HACD2: variants seen among roughly 807,000 people sequenced by gnomAD.
HACD2 encodes 3-hydroxyacyl-CoA dehydratase 2.
In HACD2, 15 loss-of-function variants were observed where a neutral mutation model predicts 31.0. The observed-to-expected ratio is 0.48, with a 90% confidence interval of 0.32 to 0.75. The LOEUF is 0.75. Ranked by LOEUF, HACD2 falls within the 30% of genes least tolerant of loss-of-function variation. The probability of loss-of-function intolerance (pLI) is 0.03; values close to 1 mark genes in which losing one functional copy is unlikely to be tolerated. For synonymous variants in HACD2, 115 were observed against 122.2 expected, an observed-to-expected ratio of 0.94 and a Z score of 0.39; for missense variants, 283 against 313.0, an observed-to-expected ratio of 0.90 and a Z score of 0.72.
intron 6 of HACD2, among the ~76,000 whole-genome samples, chr3:123,496,462 G>A (rs9879490): frequency 0.03 from 4,548 of 152,200 alleles, 75 homozygotes; most frequent in Middle Eastern, 0.088. Flanking sequence ...AAAGTACGCC[G>A]GGACACCAGT....
chr3:123,544,975 G>A (rs2056539383), intron 3 of HACD2, among the ~76,000 whole-genome samples: 3 of 144,224 alleles, frequency 2.1e-5, no homozygotes, highest in African/African-American at 7.7e-5. Flanking sequence ...TCGGGAGGCT[G>A]AGGTGGGAGG....
chr3:123,535,248 C>G (rs1402374085), intron 3 of HACD2, among the ~76,000 whole-genome samples: 1 of 152,160 alleles, frequency 6.6e-6, no homozygotes, highest in Non-Finnish European at 1.5e-5. Context: ...ACAAATACCA[C>G]TGTGCTACAC....
intron 3 of HACD2, among the ~76,000 whole-genome samples, chr3:123,544,467 T>C (rs369907270): frequency 6.6e-6 from 1 of 152,160 alleles, no homozygotes; most frequent in Non-Finnish European, 1.5e-5. Flanking sequence ...GATATTTCCA[T>C]TGTCATGCCC....
At chr3:123,550,311 G>C (rs1261322418) in intron 3 of HACD2, among the ~76,000 whole-genome samples, 1 of 152,164 alleles carries the variant, frequency 6.6e-6, no homozygotes, top group Non-Finnish European at 1.5e-5. Context: ...GGACTGAAGA[G>C]AATGTGAATA....
chr3:123,517,802 A>G (rs2056157358), intron 4 of HACD2, among the ~76,000 whole-genome samples: 1 of 152,232 alleles, frequency 6.6e-6, no homozygotes, highest in Admixed American at 6.5e-5. Flanking sequence ...AAGGTGGGGA[A>G]AAAAAGCTAT....
At chr3:123,564,030 C>T (rs1245749998) in intron 3 of HACD2, among the ~76,000 whole-genome samples, 1 of 152,212 alleles carries the variant, frequency 6.6e-6, no homozygotes, top group Non-Finnish European at 1.5e-5. Context: ...TTGACAAAAC[C>T]TGATGACTGC....
chr3:123,523,089 A>C (rs535349844), intron 4 of HACD2, among the ~76,000 whole-genome samples: 9 of 152,288 alleles, frequency 5.9e-5, no homozygotes, highest in African/African-American at 2.2e-4. Context: ...CACAGGAGAC[A>C]CGCCAACCAG....
chr3:123,537,108 AT>A (rs1559916605), intron 3 of HACD2, among the ~76,000 whole-genome samples: 1 of 152,264 alleles, frequency 6.6e-6, no homozygotes, highest in Non-Finnish European at 1.5e-5. Flanking sequence ...GCTATGAACA[AT>A]AATAAATTAA....
chr3:123,527,496 T>C (rs978191204), intron 4 of HACD2, among the ~76,000 whole-genome samples: 59 of 152,360 alleles, frequency 3.9e-4, no homozygotes, highest in African/African-American at 1.3e-3. Flanking sequence ...AGTAGCTAAC[T>C]TGGTTATCAG....
chr3:123,533,025 C>T (rs78678109), intron 3 of HACD2, among the ~76,000 whole-genome samples: 2,115 of 152,242 alleles, frequency 0.014, 34 homozygotes, highest in Non-Finnish European at 0.022. Context: ...ATAACTCTGT[C>T]ACCCTCTTTA....
At chr3:123,503,731 G>A (rs999160900) in intron 4 of HACD2, among the ~76,000 whole-genome samples, 7 of 134,636 alleles carry the variant, frequency 5.2e-5, no homozygotes, top group East Asian at 3.2e-4. Context: ...AAAAAAGACC[G>A]TCCAAGAGTG....
chr3:123,546,020 C>CA (rs1468489297), intron 3 of HACD2, among the ~76,000 whole-genome samples: 11 of 151,382 alleles, frequency 7.3e-5, no homozygotes, highest in Admixed American at 1.3e-4. Flanking sequence ...TCAAATATAT[C>CA]AAAAAAAATC....
At chr3:123,543,634 T>C (rs1188232638) in intron 3 of HACD2, 7 of 393,100 alleles carry the variant, frequency 1.8e-5, no homozygotes, top group Non-Finnish European at 9.8e-6. Context: ...AAGGATCACA[T>C]AACAAAATGG....
chr3:123,569,841 T>A (rs2056833338), intron 2 of HACD2, among the ~76,000 whole-genome samples: 1 of 151,630 alleles, frequency 6.6e-6, no homozygotes, highest in African/African-American at 2.4e-5. Flanking sequence ...TACAAAAAAT[T>A]AGCTGGGCAT....
At chr3:123,512,599 T>G (rs2056077533) in intron 4 of HACD2, among the ~76,000 whole-genome samples, 1 of 152,078 alleles carries the variant, frequency 6.6e-6, no homozygotes, top group African/African-American at 2.4e-5. Context: ...AGATGGCCAG[T>G]GTGGCTGGAA....
chr3:123,535,791 T>C (rs1207580089), intron 3 of HACD2, among the ~76,000 whole-genome samples: 3 of 152,154 alleles, frequency 2.0e-5, no homozygotes, highest in Admixed American at 6.6e-5. Flanking sequence ...TCCTTCAGGG[T>C]TGAGGAATCC....
At chr3:123,565,460 C>A (rs1396710823) in intron 3 of HACD2, among the ~76,000 whole-genome samples, 3 of 152,110 alleles carry the variant, frequency 2.0e-5, no homozygotes, top group African/African-American at 7.2e-5. Context: ...AGCTCACTTG[C>A]CCCTTCCACC....
chr3:123,573,819 A>G (rs1576242035), intron 2 of HACD2, among the ~76,000 whole-genome samples: 1 of 152,132 alleles, frequency 6.6e-6, no homozygotes, highest in Non-Finnish European at 1.5e-5. Context: ...AGATTCCTCA[A>G]TTATCATTAT....
At chr3:123,556,325 T>C (rs1421378404) in intron 3 of HACD2, among the ~76,000 whole-genome samples, 5 of 151,624 alleles carry the variant, frequency 3.3e-5, no homozygotes, top group African/African-American at 9.7e-5. Context: ...TAGTCCCAGC[T>C]GCTTGGGAAG....
Sources: gnomAD v4.1 joint callset for allele counts (sites outside exome capture counted in the v4.1 genomes callset) on GRCh38, gnomAD v4.1.1 for gene constraint, MANE v1.5 for transcripts, NCBI Gene and HGNC (gene_info 2026-07-23, HGNC 2026-07-21) for gene names.